Variants in FSTL5 observed in about 807,000 individuals in gnomAD.
The protein encoded by FSTL5 is follistatin like 5, also known as follistatin-related protein 5.
In FSTL5, 62 loss-of-function variants were observed where a neutral mutation model predicts 89.1. The observed-to-expected ratio is 0.70, with a 90% CI of 0.57 to 0.86. The LOEUF is 0.86. Among genes scored for constraint, FSTL5 ranks in the 40% least tolerant of loss-of-function variants. FSTL5 has a pLI of 0.00. For synonymous variants in FSTL5, 383 were observed against 346.2 expected, an observed-to-expected ratio of 1.11 and a Z score of -1.18; for missense variants, 1,057 against 1,001.6, an observed-to-expected ratio of 1.06 and a Z score of -0.75.
At chr4:161,989,749 C>T (rs1578923289) in intron 3 of FSTL5, among the ~76,000 whole-genome samples, 1 of 152,126 alleles carries the variant, frequency 6.6e-6, no homozygotes, top group Non-Finnish European at 1.5e-5. Flanking sequence ...CTAAAAAGGA[C>T]AGGAATTAGG....
intron 4 of FSTL5, among the ~76,000 whole-genome samples, chr4:161,890,038 T>A (rs1483524531): frequency 6.6e-6 from 1 of 152,228 alleles, no homozygotes; most frequent in African/African-American, 2.4e-5. Context: ...AGATTCCATC[T>A]GTCTGATATG....
intron 3 of FSTL5, among the ~76,000 whole-genome samples, chr4:162,002,139 A>C (rs931711387): frequency 6.6e-6 from 1 of 152,174 alleles, no homozygotes; most frequent in Non-Finnish European, 1.5e-5. Context: ...AAACTGAAAG[A>C]GATTTGTATT....
Position 161,782,396 on chromosome 4 carries a change from C to T in FSTL5, c.410-6322G>A, listed in dbSNP as rs544582088. 3.0e-4 allele frequency among the ~76,000 whole-genome samples: 45 copies of T among 152,190 alleles called. No individual in the cohort carries two copies. In the East Asian group the frequency reaches 5.6e-3, roughly 19 times the overall value. ...AACTTGTATTGCTCCATATCCTTGC[C>T]AGGATTTGGTGTTGTCAGTGTTTTG... On this transcript the variant is annotated intron_variant, in intron 4 of 15. Coordinates refer to ENST00000306100, the MANE Select transcript of FSTL5 (RefSeq NM_020116.5).
At position 162,001,598 on chromosome 4, in the gene FSTL5, TTGTGTGTG is replaced by T. The variant is rs34546507; in HGVS notation, c.160+32019_160+32026del. Among the ~76,000 whole-genome samples, 1,149 of 149,820 alleles carry T rather than the reference TTGTGTGTG, an allele frequency of 7.7e-3. 10 individuals carry two copies. Among genetic ancestry groups the T allele is most frequent in the African/African-American group, 0.026 (1,063 of 40,794 alleles). The stretch of plus-strand genomic sequence containing the variant: ...GTGCCTTCTGCTAAGGATACATGCA[TTGTGTGTG>T]TGTGTGTGTGTGTGTGTGTGTAAGT... On this transcript the variant is annotated intron_variant, in intron 3 of 15. Coordinates refer to ENST00000306100, the MANE Select transcript of FSTL5 (RefSeq NM_020116.5).
chr4:161,932,308 T>C (rs1361829476), intron 3 of FSTL5, among the ~76,000 whole-genome samples: 4 of 151,888 alleles, frequency 2.6e-5, no homozygotes, highest in Non-Finnish European at 5.9e-5. Context: ...TTTCCACCCA[T>C]AACAAGAGAC....
At chr4:161,941,414 T>C (rs1230599197) in intron 3 of FSTL5, among the ~76,000 whole-genome samples, 2 of 151,810 alleles carry the variant, frequency 1.3e-5, no homozygotes, top group East Asian at 3.9e-4. Context: ...TGCCTTAGGT[T>C]GAAGTAAAAA....
intron 4 of FSTL5, among the ~76,000 whole-genome samples, chr4:161,817,105 G>A (rs1316337140): frequency 6.6e-6 from 1 of 152,188 alleles, no homozygotes; most frequent in African/African-American, 2.4e-5. Context: ...CCAGGATGAT[G>A]CTACAACTTT....
chr4:161,642,821 C>A (rs929800800), intron 7 of FSTL5, among the ~76,000 whole-genome samples: 194 of 152,070 alleles, frequency 1.3e-3, no homozygotes, highest in African/African-American at 4.5e-3. Flanking sequence ...ATTTGTGTTT[C>A]ATGGGTATAA....
intron 12 of FSTL5, among the ~76,000 whole-genome samples, chr4:161,494,155 G>C (rs906122776): frequency 1.3e-4 from 20 of 151,964 alleles, no homozygotes; most frequent in African/African-American, 4.8e-4. Context: ...CTCTTTGCAG[G>C]ATATCATTGT....
intron 4 of FSTL5, among the ~76,000 whole-genome samples, chr4:161,791,714 A>G (rs968100784): frequency 6.6e-6 from 1 of 152,208 alleles, no homozygotes; most frequent in African/African-American, 2.4e-5. Flanking sequence ...GAGCAGTCTG[A>G]TCTGATTTGC....
At chr4:162,100,052 C>T (rs763735562) in intron 2 of FSTL5, among the ~76,000 whole-genome samples, 9 of 152,236 alleles carry the variant, frequency 5.9e-5, no homozygotes, top group East Asian at 1.9e-4. Flanking sequence ...TATGATCCAG[C>T]GATCATGCTC....
chr4:161,712,430 ACT>A (rs760078817), intron 6 of FSTL5, among the ~76,000 whole-genome samples: 1 of 152,094 alleles, frequency 6.6e-6, no homozygotes, highest in Non-Finnish European at 1.5e-5. Flanking sequence ...CCCAGTAGTG[ACT>A]CTGTTAAAAG....
chr4:161,515,112 C>T (rs1435139068), intron 10 of FSTL5, among the ~76,000 whole-genome samples: 2 of 151,770 alleles, frequency 1.3e-5, no homozygotes, highest in African/African-American at 4.8e-5. Flanking sequence ...AAAACATATT[C>T]CATTTTATAT....
intron 4 of FSTL5, among the ~76,000 whole-genome samples, chr4:161,851,488 T>C (rs753519461): frequency 1.3e-5 from 2 of 152,152 alleles, no homozygotes; most frequent in Non-Finnish European, 2.9e-5. Flanking sequence ...TTCGTAATGA[T>C]AAACTGCCAA....
intron 3 of FSTL5, among the ~76,000 whole-genome samples, chr4:161,933,658 A>G (rs1734354026): frequency 6.6e-6 from 1 of 151,866 alleles, no homozygotes; most frequent in South Asian, 2.1e-4. Context: ...TTACAAAAGA[A>G]GAACACAGAA....
At chr4:161,838,905 T>C (rs1731130449) in intron 4 of FSTL5, among the ~76,000 whole-genome samples, 1 of 151,970 alleles carries the variant, frequency 6.6e-6, no homozygotes, top group Non-Finnish European at 1.5e-5. Flanking sequence ...AATGGAATTA[T>C]TAAACATAAA....
At chr4:161,501,390 A>G (rs1730289722) in intron 11 of FSTL5, among the ~76,000 whole-genome samples, 1 of 152,056 alleles carries the variant, frequency 6.6e-6, no homozygotes. Flanking sequence ...TAGGGAATAA[A>G]TAGTCAACAA....
chr4:161,859,257 A>G (rs1731824404), intron 4 of FSTL5, among the ~76,000 whole-genome samples: 1 of 152,190 alleles, frequency 6.6e-6, no homozygotes, highest in South Asian at 2.1e-4. Context: ...CTCACATCCT[A>G]TCACCCTCCT....
At chr4:162,038,207 T>C (rs1428884509) in intron 2 of FSTL5, among the ~76,000 whole-genome samples, 1 of 151,896 alleles carries the variant, frequency 6.6e-6, no homozygotes, top group Non-Finnish European at 1.5e-5. Flanking sequence ...TGGTTATGTG[T>C]CAAAGCTAAA....
Sources: gnomAD v4.1 joint callset for allele counts (sites outside exome capture counted in the v4.1 genomes callset) on GRCh38, gnomAD v4.1.1 for gene constraint, MANE v1.5 for transcripts, NCBI Gene and HGNC (gene_info 2026-07-23, HGNC 2026-07-21) for gene names.